PIAS1: variants seen among roughly 807,000 people sequenced by gnomAD.
PIAS1 encodes the protein protein inhibitor of activated STAT 1.
Under a neutral mutation model 71.3 loss-of-function variants are expected in PIAS1, and 6 were observed. That is an observed-to-expected ratio of 0.08 (90% confidence interval 0.05 to 0.17). PIAS1 has a LOEUF of 0.17. PIAS1 is among the 10% of genes least tolerant of loss of function. The pLI, the probability that PIAS1 is intolerant of heterozygous loss-of-function variation, is 1.00. For synonymous variants in PIAS1, 303 were observed against 292.9 expected (o/e 1.03, Z -0.35); for missense variants, 555 against 793.6 (o/e 0.70, Z 3.61).
At chr15:68,177,153 C>T (rs2093025018) in intron 11 of PIAS1, among the ~76,000 whole-genome samples, 2 of 151,784 alleles carry the variant, frequency 1.3e-5, no homozygotes, top group Admixed American at 6.6e-5. Flanking sequence ...GTGGCATGCG[C>T]CTGTAATCTC....
At chr15:68,095,810 C>T (rs572140311) in intron 2 of PIAS1, among the ~76,000 whole-genome samples, 5 of 152,240 alleles carry the variant, frequency 3.3e-5, no homozygotes, top group Non-Finnish European at 5.9e-5. Context: ...GGATTACAAG[C>T]GTGAGCCACC....
At chr15:68,131,450 T>G (rs1168397883) in intron 2 of PIAS1, among the ~76,000 whole-genome samples, 1 of 149,040 alleles carries the variant, frequency 6.7e-6, no homozygotes, top group Non-Finnish European at 1.5e-5. Context: ...TTACTAGCTA[T>G]GTTCACTGTG....
intron 2 of PIAS1, chr15:68,087,857 T>C: frequency 2.8e-6 from 1 of 355,784 alleles, no homozygotes; most frequent in South Asian, 2.1e-5. Flanking sequence ...ATTATCTGAA[T>C]ACACGAAGAT....
At chr15:68,140,961 GCTT>G (rs1304299995) in intron 2 of PIAS1, among the ~76,000 whole-genome samples, 1 of 152,026 alleles carries the variant, frequency 6.6e-6, no homozygotes, top group Non-Finnish European at 1.5e-5. Context: ...AGTATTCAGT[GCTT>G]CTTTGTGCCA....
intron 12 of PIAS1, among the ~76,000 whole-genome samples, chr15:68,182,457 TG>T (rs2093059966): frequency 4.9e-5 from 7 of 143,018 alleles, no homozygotes; most frequent in Admixed American, 4.9e-4. Context: ...TGTGTGTGTG[TG>T]TGTCGGAGTT....
At chr15:68,133,098 A>G (rs536410732) in intron 2 of PIAS1, among the ~76,000 whole-genome samples, 43 of 151,690 alleles carry the variant, frequency 2.8e-4, no homozygotes, top group African/African-American at 8.5e-4. Context: ...TTAATGATGT[A>G]TCTTAGAGAG....
At chr15:68,150,761 T>C (rs1191297275) in intron 6 of PIAS1, among the ~76,000 whole-genome samples, 1 of 152,174 alleles carries the variant, frequency 6.6e-6, no homozygotes, top group Non-Finnish European at 1.5e-5. Context: ...TGCTCTAAAA[T>C]TCAAAACAGG....
In PIAS1 at chr15:68,178,467, C is replaced by T. The variant is rs140417948; in HGVS notation, c.1481+1813C>T. Among the ~76,000 whole-genome samples the T allele has an allele frequency of 1.5e-3, 233 of 152,292 alleles. 1 individual carries two copies. Among genetic ancestry groups the T allele is most frequent in the African/African-American group, 5.4e-3 (224 of 41,568 alleles). ...GCCTATCTTGATGGCTATAACCCAGCAAGCCTGACCTTGTTATTACACCAA... is the reference window on the plus strand; with the variant it reads ...GCCTATCTTGATGGCTATAACCCAGTAAGCCTGACCTTGTTATTACACCAA... On this transcript the variant is annotated intron_variant, in intron 11 of 13. Coordinates refer to ENST00000249636, the MANE Select transcript of PIAS1 (RefSeq NM_016166.3). This position sits in a 1 kb window ranked among gnomAD's most constrained non-coding sequence, Gnocchi z 4.2.
intron 2 of PIAS1, 73 bp from the exon 3 acceptor site, chr15:68,141,873 G>GT (rs879062649): frequency 0.044 from 27,342 of 624,840 alleles, 9 homozygotes; most frequent in East Asian, 0.1. Context: ...AGACATGTGT[G>GT]TTTTTTTTTT....
chr15:68,121,264 T>G (rs200112620), intron 2 of PIAS1, among the ~76,000 whole-genome samples: 8 of 51,146 alleles, frequency 1.6e-4, no homozygotes, highest in African/African-American at 2.4e-4. Flanking sequence ...TGTTTTTTTG[T>G]TTTTTTTTTT....
At chr15:68,075,827 G>T (rs1358576457) in intron 1 of PIAS1, among the ~76,000 whole-genome samples, 4 of 150,508 alleles carry the variant, frequency 2.7e-5, no homozygotes, top group Non-Finnish European at 5.9e-5. Flanking sequence ...TGCTGCGCAG[G>T]CTGGAGTGCA....
chr15:68,157,849 G>T (rs2092901493), intron 7 of PIAS1, among the ~76,000 whole-genome samples: 1 of 152,022 alleles, frequency 6.6e-6, no homozygotes, highest in African/African-American at 2.4e-5. Flanking sequence ...CATTTCACTG[G>T]TTCCTCAAAT....
intron 1 of PIAS1, chr15:68,061,334 C>A (rs900210407): frequency 6.6e-6 from 1 of 152,158 alleles, no homozygotes; most frequent in Non-Finnish European, 1.5e-5. Flanking sequence ...GACTATATTT[C>A]CCCTTCCATG....
Position 68,173,184 on chromosome 15 carries a change from G to C in PIAS1, c.1009-548G>C, listed in dbSNP as rs2093002136. 6.6e-6 allele frequency among the ~76,000 whole-genome samples: 1 copy of C among 152,034 alleles called. No individual in the cohort carries two copies. Among genetic ancestry groups the C allele is most frequent in the African/African-American group, 2.4e-5 (1 of 41,412 alleles). On this transcript the variant is annotated intron_variant, in intron 8 of 13. Transcript: ENST00000249636. This position sits in a 1 kb window ranked among gnomAD's most constrained non-coding sequence, Gnocchi z 4.3. ...GGTTCTTAAATTTTTTTTGGATCAA[G>C]GACTGCTTTAAGAATTTGAGAAAAG...
intron 2 of PIAS1, among the ~76,000 whole-genome samples, chr15:68,088,176 G>GTGTGTATGTATATATATATA (rs150997979): frequency 1.4e-5 from 1 of 73,008 alleles, no homozygotes; most frequent in Non-Finnish European, 2.5e-5. Context: ...TTATGTGTGT[G>GTGTGTATGTATATATATATA]TATATATATA....
At position 68,187,522 on chromosome 15, in the gene PIAS1, C is replaced by A. The variant is rs2093095548; in HGVS notation, c.1663-20C>A. 6.2e-7 allele frequency: 1 copy of A among 1,605,244 alleles called. No individual in the cohort carries two copies. The highest frequency in any genetic ancestry group is 8.5e-7 in the Non-Finnish European group (1 of 1,173,350). On this transcript the variant is annotated intron_variant, in intron 13 of 13. Coordinates refer to ENST00000249636, the MANE Select transcript of PIAS1 (RefSeq NM_016166.3). The surrounding 1 kb of genome is among the most constrained non-coding windows in gnomAD (Gnocchi z 5.3). ...GGAAGTATAATTAACATTTTTGTGT[C>A]TTTTGTTTCCCCTCCCTAGCATTAC...
intron 1 of PIAS1, among the ~76,000 whole-genome samples, chr15:68,073,061 G>A (rs1387918087): frequency 1.3e-5 from 2 of 152,086 alleles, no homozygotes; most frequent in Non-Finnish European, 2.9e-5. Flanking sequence ...TGTCGCCCAG[G>A]CTGGAGTGCA....
chr15:68,072,479 A>G (rs1407829351), intron 1 of PIAS1, among the ~76,000 whole-genome samples: 1 of 151,750 alleles, frequency 6.6e-6, no homozygotes, highest in Non-Finnish European at 1.5e-5. Context: ...CCACATTGAA[A>G]CTATGTATGG....
intron 2 of PIAS1, among the ~76,000 whole-genome samples, chr15:68,087,597 T>C (rs2092294922): frequency 6.6e-6 from 1 of 152,064 alleles, no homozygotes; most frequent in African/African-American, 2.4e-5. Flanking sequence ...CAAAGAGTTA[T>C]TAACAAAAAA....
Sources: allele counts gnomAD v4.1 joint callset (sites outside exome capture counted in the v4.1 genomes callset), GRCh38; gene constraint gnomAD v4.1.1; non-coding constraint Gnocchi (gnomAD v3.1); transcripts MANE v1.5; gene names NCBI Gene and HGNC (gene_info 2026-07-23, HGNC 2026-07-21).